ST7: variants seen among roughly 807,000 people sequenced by gnomAD.
The protein encoded by ST7 is suppression of tumorigenicity 7, also known as suppressor of tumorigenicity 7 protein.
A neutral mutation model predicts 78.7 loss-of-function variants in ST7; 28 were observed. The observed-to-expected ratio is 0.36, with a 90% CI of 0.26 to 0.49. The LOEUF (loss-of-function observed/expected upper bound fraction) is 0.49, where lower values mean the gene tolerates loss of function less well. Among genes scored for constraint, ST7 ranks in the 20% least tolerant of loss-of-function variants. The probability of loss-of-function intolerance (pLI) is 0.99; values close to 1 mark genes in which losing one functional copy is unlikely to be tolerated. For synonymous variants in ST7, 247 were observed against 249.6 expected, an observed-to-expected ratio of 0.99 and a Z score of 0.10; for missense variants, 418 against 696.0, an observed-to-expected ratio of 0.60 and a Z score of 4.49.
Position 117,134,107 on chromosome 7 carries a change from T to G in ST7, c.642-17T>G. ...ATCAATTTTCATTTTACCAACTATTTTTTTCTTCTTGGTCAGAATTAGGTC... is the reference window on the plus strand; with the variant it reads ...ATCAATTTTCATTTTACCAACTATTGTTTTCTTCTTGGTCAGAATTAGGTC... On this transcript the variant is annotated splice_polypyrimidine_tract_variant and intron_variant, in intron 6 of 15. Transcript: ENST00000323984. The G allele has an allele frequency of 1.2e-6, 2 of 1,610,822 alleles. No homozygotes were observed. Among genetic ancestry groups the G allele is most frequent in the Non-Finnish European group, 1.7e-6 (2 of 1,178,316 alleles).
chr7:117,166,750 A>G (rs1264245734), intron 9 of ST7, among the ~76,000 whole-genome samples: 3 of 151,998 alleles, frequency 2.0e-5, no homozygotes, highest in Non-Finnish European at 4.4e-5. Context: ...TTAGCCGGGC[A>G]TGGTGGTGGG....
intron 6 of ST7, among the ~76,000 whole-genome samples, chr7:117,133,707 A>G (rs945736567): frequency 2.0e-5 from 3 of 151,616 alleles, no homozygotes; most frequent in Non-Finnish European, 4.4e-5. Context: ...TATTTTTGCA[A>G]GCTTCAGCTA....
At chr7:117,064,075 A>G (rs1798499946) in intron 1 of ST7, among the ~76,000 whole-genome samples, 1 of 152,140 alleles carries the variant, frequency 6.6e-6, no homozygotes. Flanking sequence ...GGCATTTTCT[A>G]TTTTATTACC....
intron 4 of ST7, 151 bp from the exon 5 acceptor site, chr7:117,130,340 A>AAAGAT (rs2117016103): frequency 4.1e-6 from 2 of 493,816 alleles, no homozygotes; most frequent in Non-Finnish European, 7.0e-6. Context: ...AGGGAGAATA[A>AAAGAT]GATGATTTTT....
intron 2 of ST7, among the ~76,000 whole-genome samples, chr7:117,112,970 G>A (rs554145654): frequency 4.6e-5 from 7 of 152,342 alleles, no homozygotes; most frequent in East Asian, 3.9e-4. Flanking sequence ...GATACCTCTC[G>A]TGGACTGATT....
chr7:117,177,780 T>C (rs1808453774), intron 10 of ST7, among the ~76,000 whole-genome samples: 1 of 152,192 alleles, frequency 6.6e-6, no homozygotes, highest in African/African-American at 2.4e-5. Context: ...GGACCTCGGA[T>C]TGGCTTTTTG....
At chr7:117,075,814 A>G (rs2429044) in intron 1 of ST7, among the ~76,000 whole-genome samples, 15,617 of 152,248 alleles carry the variant, frequency 0.1, 863 homozygotes, top group East Asian at 0.13. Flanking sequence ...CAATTGCCCC[A>G]TAGACTGTTC....
chr7:117,058,867 A>G (rs2116424993), intron 1 of ST7, among the ~76,000 whole-genome samples: 1 of 152,362 alleles, frequency 6.6e-6, no homozygotes. Flanking sequence ...CAGCCATAAA[A>G]AAGAATGAGA....
intron 10 of ST7, among the ~76,000 whole-genome samples, chr7:117,172,396 G>A (rs966164189): frequency 1.3e-5 from 2 of 152,170 alleles, no homozygotes; most frequent in African/African-American, 2.4e-5. Flanking sequence ...ATATGGAAAC[G>A]AAAAGCCTTC....
intron 1 of ST7, among the ~76,000 whole-genome samples, chr7:117,044,860 T>TGGGTG (rs1797412846): frequency 6.6e-6 from 1 of 152,168 alleles, no homozygotes. Context: ...CCCAGTTGCC[T>TGGGTG]AGTCAGCATC....
intron 1 of ST7, among the ~76,000 whole-genome samples, chr7:116,979,641 G>A (rs373973125): frequency 1.4e-4 from 22 of 152,056 alleles, no homozygotes; most frequent in East Asian, 9.7e-4. Flanking sequence ...TCCTACTTCT[G>A]CCTTTATTTC....
chr7:117,073,573 GC>G (rs1799131100), intron 1 of ST7, among the ~76,000 whole-genome samples: 1 of 152,168 alleles, frequency 6.6e-6, no homozygotes, highest in Non-Finnish European at 1.5e-5. Context: ...AGTGGTTAGG[GC>G]CACAAACTTT....
At chr7:116,999,559 A>T (rs1011240141) in intron 1 of ST7, among the ~76,000 whole-genome samples, 2 of 152,206 alleles carry the variant, frequency 1.3e-5, no homozygotes, top group African/African-American at 4.8e-5. Context: ...ATTGTGAGTG[A>T]TGGCATACCA....
At chr7:117,204,854 T>C (rs1218315624) in intron 12 of ST7, among the ~76,000 whole-genome samples, 1 of 152,148 alleles carries the variant, frequency 6.6e-6, no homozygotes, top group Non-Finnish European at 1.5e-5. Context: ...GTCTAGAAAA[T>C]AGATTTGTAT....
intron 12 of ST7, among the ~76,000 whole-genome samples, chr7:117,197,011 A>T (rs372913740): frequency 5.1e-4 from 77 of 152,142 alleles, no homozygotes; most frequent in African/African-American, 1.8e-3. Flanking sequence ...ATTTTGTTGA[A>T]GAGAATTATC....
At chr7:117,097,808 G>A (rs1292782709) in intron 1 of ST7, among the ~76,000 whole-genome samples, 2 of 124,790 alleles carry the variant, frequency 1.6e-5, no homozygotes, top group African/African-American at 6.2e-5. Context: ...TGTTGCATGG[G>A]AAATGACATA....
chr7:116,998,136 T>C (rs1010959209), intron 1 of ST7, among the ~76,000 whole-genome samples: 87 of 152,340 alleles, frequency 5.7e-4, no homozygotes, highest in African/African-American at 2.1e-3. Flanking sequence ...TCCTGAGCCC[T>C]GCCCACTGGG....
intron 8 of ST7, chr7:117,136,918 A>C (rs760250431): frequency 1.3e-5 from 2 of 152,140 alleles, no homozygotes; most frequent in Non-Finnish European, 2.9e-5. Flanking sequence ...AAAACAACGA[A>C]ATCATTTCTG....
chr7:117,167,473 A>G (rs531369152), intron 9 of ST7, among the ~76,000 whole-genome samples: 62 of 151,940 alleles, frequency 4.1e-4, no homozygotes, highest in Middle Eastern at 6.8e-3. Flanking sequence ...ACAGGTTTGA[A>G]GGGTTGGCCT....
Sources: allele counts gnomAD v4.1 joint callset (sites outside exome capture counted in the v4.1 genomes callset), GRCh38; gene constraint gnomAD v4.1.1; transcripts MANE v1.5; gene names NCBI Gene and HGNC (gene_info 2026-07-23, HGNC 2026-07-21).